The following IQCB1 variants were observed in gnomAD, a reference collection of about 807,000 sequenced individuals.
The protein encoded by IQCB1 is IQ motif containing B1.
In IQCB1, 56 loss-of-function variants were observed where a neutral mutation model predicts 84.4. That is an observed-to-expected ratio of 0.66 (90% CI 0.54 to 0.83). IQCB1 has a LOEUF of 0.83. IQCB1 is among the 40% of genes least tolerant of loss of function. The probability of loss-of-function intolerance (pLI) is 0.00; values close to 1 mark genes in which losing one functional copy is unlikely to be tolerated. For missense variants in IQCB1, 629 were observed against 682.1 expected (o/e 0.92, Z 0.87); for synonymous variants, 210 against 234.8 (o/e 0.89, Z 0.96).
intron 11 of IQCB1, among the ~76,000 whole-genome samples, chr3:121,789,848 GA>G (rs989151181): frequency 2.0e-5 from 3 of 151,624 alleles, no homozygotes; most frequent in African/African-American, 4.8e-5. Context: ...TGAAGGATAA[GA>G]AAAAAAACTG....
intron 9 of IQCB1, 31 bp from the exon 10 acceptor site, chr3:121,795,597 T>C: frequency 8.8e-6 from 11 of 1,247,828 alleles, no homozygotes; most frequent in Non-Finnish European, 1.3e-5. Flanking sequence ...TAGAGATATC[T>C]CTAGGAAGGT....
At chr3:121,801,301 T>C (rs1036303284) in intron 7 of IQCB1, among the ~76,000 whole-genome samples, 3 of 152,078 alleles carry the variant, frequency 2.0e-5, no homozygotes, top group Non-Finnish European at 4.4e-5. Flanking sequence ...TTTTAGCTAG[T>C]CCTTGTTTTT....
At chr3:121,816,353 G>T (rs753076229) in intron 5 of IQCB1, among the ~76,000 whole-genome samples, 5 of 152,124 alleles carry the variant, frequency 3.3e-5, no homozygotes, top group African/African-American at 4.8e-5. Context: ...TCAGGACATA[G>T]GCATAGGCAA....
intron 5 of IQCB1, among the ~76,000 whole-genome samples, chr3:121,825,345 C>T (rs1950429315): frequency 6.6e-6 from 1 of 152,150 alleles, no homozygotes; most frequent in Non-Finnish European, 1.5e-5. Context: ...CAGGTGTGAG[C>T]CACTGCGCCC....
intron 13 of IQCB1, among the ~76,000 whole-genome samples, chr3:121,780,461 A>G (rs931887577): frequency 3.9e-5 from 6 of 152,094 alleles, no homozygotes; most frequent in African/African-American, 1.4e-4. Context: ...CTACCTCTTT[A>G]TGGTAATCAC....
intron 7 of IQCB1, among the ~76,000 whole-genome samples, chr3:121,803,950 G>A (rs146613415): frequency 4.0e-5 from 6 of 151,760 alleles, no homozygotes; most frequent in African/African-American, 1.4e-4. Context: ...AGATAGATAG[G>A]TTTAAATCTA....
At chr3:121,775,044 T>C (rs953350495) in intron 13 of IQCB1, among the ~76,000 whole-genome samples, 6 of 152,144 alleles carry the variant, frequency 3.9e-5, no homozygotes, top group Non-Finnish European at 7.4e-5. Context: ...AATTTGTAAA[T>C]GATTAAAACT....
intron 10 of IQCB1, among the ~76,000 whole-genome samples, chr3:121,792,531 G>A (rs1172276006): frequency 3.5e-5 from 5 of 144,684 alleles, no homozygotes; most frequent in Non-Finnish European, 7.5e-5. Context: ...GCGTGATGGC[G>A]GGCGCCTGTA....
rs573314673 is a variant in IQCB1, at chr3:121,831,000, G to A, written c.-12-2028C>T. On this transcript the variant is annotated intron_variant, in intron 2 of 14. Coordinates refer to ENST00000310864, the MANE Select transcript of IQCB1 (RefSeq NM_001023570.4). ...AAATGATTGTCCATGCTTCAGTCATGCCTATCCATTGAAATCTCCATAAAA... is the reference window on the plus strand; with the variant it reads ...AAATGATTGTCCATGCTTCAGTCATACCTATCCATTGAAATCTCCATAAAA... Among the ~76,000 whole-genome samples, 3 of 152,248 alleles carry A rather than the reference G, an allele frequency of 2.0e-5. No homozygotes were observed. The South Asian group carries it at 6.2e-4, about 32-fold the overall frequency.
chr3:121,773,848 A>G (rs766014635), intron 13 of IQCB1, among the ~76,000 whole-genome samples: 3 of 152,080 alleles, frequency 2.0e-5, no homozygotes, highest in African/African-American at 7.2e-5. Flanking sequence ...GGTTTTGGTG[A>G]TGATTTCTTC....
At chr3:121,777,888 G>T (rs1377742711) in intron 13 of IQCB1, among the ~76,000 whole-genome samples, 1 of 149,482 alleles carries the variant, frequency 6.7e-6, no homozygotes, top group Non-Finnish European at 1.5e-5. Flanking sequence ...TTGTATATAC[G>T]TCTGTTCATG....
At chr3:121,791,450 G>C (rs1238092010) in intron 10 of IQCB1, among the ~76,000 whole-genome samples, 1 of 152,204 alleles carries the variant, frequency 6.6e-6, no homozygotes, top group Non-Finnish European at 1.5e-5. Flanking sequence ...ACTTAGGGCA[G>C]AGTAGAGAAT....
At chr3:121,776,020 A>G (rs953758120) in intron 13 of IQCB1, among the ~76,000 whole-genome samples, 5 of 151,486 alleles carry the variant, frequency 3.3e-5, no homozygotes, top group Admixed American at 2.0e-4. Context: ...TTCATTTAGC[A>G]TAATTATTTT....
intron 2 of IQCB1, among the ~76,000 whole-genome samples, chr3:121,833,629 T>C (rs576166398): frequency 6.6e-6 from 1 of 152,326 alleles, no homozygotes; most frequent in African/African-American, 2.4e-5. Flanking sequence ...TTTATGTACA[T>C]GTGTACACAC....
intron 7 of IQCB1, among the ~76,000 whole-genome samples, chr3:121,800,832 T>G (rs1247799519): frequency 6.6e-6 from 1 of 151,942 alleles, no homozygotes; most frequent in Non-Finnish European, 1.5e-5. Context: ...GTTGCCACTA[T>G]CTCACATCTC....
intron 13 of IQCB1, among the ~76,000 whole-genome samples, chr3:121,778,536 T>C (rs992036045): frequency 6.6e-6 from 1 of 151,626 alleles, no homozygotes. Context: ...AAAAAGTCTT[T>C]TTTTTTTTAA....
intron 13 of IQCB1, among the ~76,000 whole-genome samples, chr3:121,774,933 A>C (rs1948162056): frequency 6.6e-6 from 1 of 152,244 alleles, no homozygotes; most frequent in East Asian, 1.9e-4. Flanking sequence ...AAAATAAATA[A>C]ATTTTAAAAA....
intron 14 of IQCB1, among the ~76,000 whole-genome samples, chr3:121,771,398 T>C (rs1247148722): frequency 6.7e-6 from 1 of 149,968 alleles, no homozygotes; most frequent in African/African-American, 2.5e-5. Context: ...GCGCGATCTC[T>C]GCTTACTACA....
At chr3:121,805,411 T>A (rs1949567846) in intron 7 of IQCB1, among the ~76,000 whole-genome samples, 1 of 152,216 alleles carries the variant, frequency 6.6e-6, no homozygotes, top group African/African-American at 2.4e-5. Flanking sequence ...GGGATTTTTC[T>A]CATCCTTTTT....
Sources: gnomAD v4.1 joint callset for allele counts (sites outside exome capture counted in the v4.1 genomes callset) on GRCh38, gnomAD v4.1.1 for gene constraint, MANE v1.5 for transcripts, NCBI Gene and HGNC (gene_info 2026-07-23, HGNC 2026-07-21) for gene names.